PAXBP1: variants seen among roughly 807,000 people sequenced by gnomAD.
PAXBP1 encodes the protein PAX3- and PAX7-binding protein 1.
In PAXBP1, 44 loss-of-function variants were observed where a neutral mutation model predicts 119.9. That is an observed-to-expected ratio of 0.37 (90% CI 0.29 to 0.47). PAXBP1 has a LOEUF of 0.47. Among genes scored for constraint, PAXBP1 ranks in the 20% least tolerant of loss-of-function variants. PAXBP1 has a pLI of 0.99. For missense variants in PAXBP1, 898 were observed against 1,134.1 expected, an observed-to-expected ratio of 0.79 and a Z score of 2.99; for synonymous variants, 393 against 406.6, an observed-to-expected ratio of 0.97 and a Z score of 0.40.
At chr21:32,762,027 G>GAC (rs1449218214) in intron 4 of PAXBP1, 69 bp downstream of exon 4, 1 of 1,521,416 alleles carries the variant, frequency 6.6e-7, no homozygotes, top group East Asian at 2.3e-5. Context: ...GTGATGGAAT[G>GAC]ACACCCTGCC....
At chr21:32,765,946 C>A (rs1788465121) in intron 2 of PAXBP1, among the ~76,000 whole-genome samples, 1 of 152,112 alleles carries the variant, frequency 6.6e-6, no homozygotes, top group African/African-American at 2.4e-5. Context: ...ACCAGCCAGG[C>A]CAATATGGTA....
At chr21:32,743,561 T>C in intron 14 of PAXBP1, 117 bp downstream of exon 14, 3 of 806,840 alleles carry the variant, frequency 3.7e-6, no homozygotes, top group Middle Eastern at 2.6e-4. Context: ...ATCTAGTCTC[T>C]CTGTAATACA....
At chr21:32,769,755 C>CT in intron 2 of PAXBP1, 59 bp downstream of exon 2, 2 of 1,565,720 alleles carry the variant, frequency 1.3e-6, no homozygotes, top group Non-Finnish European at 8.6e-7. Flanking sequence ...CAGCAAATCA[C>CT]TGTGAGAAAG....
intron 11 of PAXBP1, among the ~76,000 whole-genome samples, chr21:32,746,839 T>G (rs1056387156): frequency 1.3e-5 from 2 of 152,164 alleles, no homozygotes; most frequent in African/African-American, 4.8e-5. Context: ...TCAACCCAAA[T>G]GCCCATCAAT....
chr21:32,769,973 C>T (rs772717608), intron 1 of PAXBP1, 31 bp from the exon 2 acceptor site: 1 of 1,451,282 alleles, frequency 6.9e-7, no homozygotes, highest in Non-Finnish European at 9.3e-7. Flanking sequence ...AAGTCTGTAG[C>T]AACTATTTTC....
intron 17 of PAXBP1, 93 bp downstream of exon 17, chr21:32,737,161 A>G: frequency 9.6e-7 from 1 of 1,044,250 alleles, no homozygotes; most frequent in Non-Finnish European, 1.3e-6. Flanking sequence ...TACAATTTAA[A>G]CTAAAATATA....
Position 32,759,876 on chromosome 21 carries a change from G to A in PAXBP1, c.1094C>T (p.Ala365Val), listed in dbSNP as rs112055863. 6.2e-7 allele frequency: 1 copy of A among 1,613,700 alleles called. No homozygotes were observed. The highest frequency in any genetic ancestry group is 8.5e-7 in the Non-Finnish European group (1 of 1,179,690). The stretch of plus-strand genomic sequence containing the variant: ...TGTATTATCTGTTTTTTGAGATTTG[G>A]CATCTGATGATCCATAGGCCGTATA... ...YSYTAYGSSD[A>V]KSQKTDNTVP... is the part of the protein sequence containing the mutation. Residue 365 changes from alanine to valine, a missense_variant, in exon 6 of 18, where the codon GCC (alanine) becomes GTC (valine). By Grantham distance (64) the Ala-to-Val change is moderately conservative. This residue lies in a region of PAXBP1 where 599 missense variants were observed against 852.7 expected (regional missense o/e 0.70). Transcript: ENST00000331923.
intron 3 of PAXBP1, among the ~76,000 whole-genome samples, chr21:32,762,912 A>AT (rs1328855549): frequency 2.6e-4 from 35 of 135,570 alleles, no homozygotes; most frequent in African/African-American, 9.1e-4. Flanking sequence ...ACTCCGTCTC[A>AT]AAAAAAAAAA....
chr21:32,753,425 C>CAAAAAAAA (rs757858309), intron 8 of PAXBP1, among the ~76,000 whole-genome samples: 1 of 90,996 alleles, frequency 1.1e-5, no homozygotes, highest in Non-Finnish European at 2.3e-5. Context: ...GACTCCGTCT[C>CAAAAAAAA]AAAAAAAAAA....
intron 6 of PAXBP1, chr21:32,759,505 G>A (rs942909004): frequency 1.5e-5 from 9 of 598,830 alleles, no homozygotes; most frequent in South Asian, 6.9e-5. Flanking sequence ...CCCCCATAGC[G>A]TGACTACACT....
chr21:32,747,011 C>T (rs1029637436), intron 11 of PAXBP1, among the ~76,000 whole-genome samples: 4 of 147,742 alleles, frequency 2.7e-5, no homozygotes, highest in South Asian at 2.1e-4. Context: ...CACATGTTCT[C>T]GCAAGTGGGA....
chr21:32,759,448 A>G, intron 6 of PAXBP1, 179 bp from the exon 7 acceptor site: 4 of 731,832 alleles, frequency 5.5e-6, no homozygotes, highest in Non-Finnish European at 8.5e-6. Flanking sequence ...CAGTTTACAG[A>G]TTTCACAGTT....
Position 32,734,654 on chromosome 21 carries a change from A to ACTGCACACAT in PAXBP1, c.*286_*295dup. 1 of 383,324 alleles carries ACTGCACACAT rather than the reference A, an allele frequency of 2.6e-6. No individual in the cohort carries two copies. Among genetic ancestry groups the ACTGCACACAT allele is most frequent in the South Asian group, 2.6e-5 (1 of 38,348 alleles). 23.7% of individuals were successfully genotyped at this position (383,324 alleles called of 1,614,324 possible). The stretch of plus-strand genomic sequence containing the variant: ...ATATATGCATAATTACACAATTTAC[A>ACTGCACACAT]CTGCACACATCGTTTACAGGGGACA... On this transcript the variant is annotated 3_prime_UTR_variant, in exon 18 of 18. Coordinates refer to ENST00000331923, the MANE Select transcript of PAXBP1 (RefSeq NM_016631.4).
At chr21:32,769,008 A>C (rs1370624740) in intron 2 of PAXBP1, among the ~76,000 whole-genome samples, 1 of 152,242 alleles carries the variant, frequency 6.6e-6, no homozygotes, top group Non-Finnish European at 1.5e-5. Context: ...ACCCTTTGGA[A>C]CACTGATTGA....
chr21:32,736,790 A>T (rs2043698978), intron 17 of PAXBP1, among the ~76,000 whole-genome samples: 1 of 152,222 alleles, frequency 6.6e-6, no homozygotes, highest in South Asian at 2.1e-4. Context: ...CAGAAAGGCT[A>T]ATGGTTCACT....
chr21:32,742,863 G>T, intron 15 of PAXBP1: 1 of 344,090 alleles, frequency 2.9e-6, no homozygotes, highest in Non-Finnish European at 5.8e-6. Flanking sequence ...TTTATCATAG[G>T]TATGTATGTA....
At chr21:32,757,339 C>T (rs993891540) in intron 7 of PAXBP1, among the ~76,000 whole-genome samples, 4 of 100,764 alleles carry the variant, frequency 4.0e-5, no homozygotes, top group African/African-American at 1.9e-4. Context: ...CTGAGCAGTA[C>T]TCTTAAAATG....
chr21:32,756,298 T>C (rs1168449621), intron 7 of PAXBP1: 1 of 534,042 alleles, frequency 1.9e-6, no homozygotes, highest in Non-Finnish European at 3.8e-6. Flanking sequence ...TTAGTGCAAA[T>C]GGAAAACACA....
chr21:32,738,678 C>T (rs570015221), intron 15 of PAXBP1, among the ~76,000 whole-genome samples: 1 of 152,088 alleles, frequency 6.6e-6, no homozygotes, highest in Non-Finnish European at 1.5e-5. Flanking sequence ...CACCCCGCCC[C>T]GCGCTGCCCA....
Sources: gnomAD v4.1 joint callset for allele counts (sites outside exome capture counted in the v4.1 genomes callset) on GRCh38, gnomAD v4.1.1 for gene constraint, gnomAD v4.1.1 regional missense constraint, MANE v1.5 for transcripts, NCBI Gene and HGNC (gene_info 2026-07-23, HGNC 2026-07-21) for gene names.